Variants in SAMD12 observed in about 807,000 individuals in gnomAD.
The protein encoded by SAMD12 is sterile alpha motif domain-containing protein 12.
A neutral mutation model predicts 15.0 loss-of-function variants in SAMD12; 9 were observed. That is an observed-to-expected ratio of 0.60 (90% CI 0.36 to 1.05). The LOEUF (loss-of-function observed/expected upper bound fraction) is 1.05. SAMD12 is among the 50% of genes least tolerant of loss of function. The pLI, the probability that SAMD12 is intolerant of heterozygous loss-of-function variation, is 0.01. For synonymous variants in SAMD12, 86 were observed against 90.1 expected, an observed-to-expected ratio of 0.96 and a Z score of 0.25; for missense variants, 230 against 234.2, an observed-to-expected ratio of 0.98 and a Z score of 0.12.
downstream of SAMD12, among the ~76,000 whole-genome samples, chr8:118,375,479 G>A (rs901383138): frequency 3.0e-4 from 46 of 152,172 alleles, no homozygotes; most frequent in African/African-American, 1.1e-3. Context: ...ATAAAAATAA[G>A]GATTATTATA....
At chr8:118,339,503 T>C (rs1817243847) in intron 4 of SAMD12, among the ~76,000 whole-genome samples, 1 of 152,188 alleles carries the variant, frequency 6.6e-6, no homozygotes, top group East Asian at 1.9e-4. Context: ...CATATCTCTG[T>C]TAAAAAATCA....
At chr8:118,281,466 A>G (rs1385805922) in intron 4 of SAMD12, among the ~76,000 whole-genome samples, 4 of 152,216 alleles carry the variant, frequency 2.6e-5, no homozygotes, top group Admixed American at 6.5e-5. Context: ...TGACTCCAGA[A>G]CAGGTATACA....
intron 4 of SAMD12, among the ~76,000 whole-genome samples, chr8:118,322,084 T>G (rs1209764101): frequency 6.6e-6 from 1 of 151,998 alleles, no homozygotes; most frequent in Non-Finnish European, 1.5e-5. Context: ...AACCCCCTCC[T>G]CAGAAATGCC....
chr8:118,420,778 G>A (rs1317835181), intron 3 of SAMD12, among the ~76,000 whole-genome samples: 1 of 152,096 alleles, frequency 6.6e-6, no homozygotes, highest in Non-Finnish European at 1.5e-5. Context: ...TTTTAGAAAA[G>A]AATTCTAAAT....
chr8:118,159,724 T>TC, the SAMD12 span, among the ~76,000 whole-genome samples: 1 of 151,072 alleles, frequency 6.6e-6, no homozygotes, highest in Non-Finnish European at 1.5e-5. Context: ...TTTTTCTTTT[T>TC]TTTTTTTTGA....
intron 4 of SAMD12, among the ~76,000 whole-genome samples, chr8:118,203,385 TGTG>T (rs1412144637): frequency 2.3e-5 from 1 of 42,598 alleles, no homozygotes; most frequent in African/African-American, 4.6e-5. Context: ...GGTAACAACT[TGTG>T]TGTGTGTGTG....
chr8:118,541,284 C>T (rs1825978011), intron 2 of SAMD12, among the ~76,000 whole-genome samples: 1 of 152,172 alleles, frequency 6.6e-6, no homozygotes, highest in Admixed American at 6.5e-5. Flanking sequence ...CAATCCATGC[C>T]TTTCTGGCTC....
intron 4 of SAMD12, among the ~76,000 whole-genome samples, chr8:118,314,444 A>G (rs2130409386): frequency 6.6e-6 from 1 of 152,218 alleles, no homozygotes; most frequent in Admixed American, 6.5e-5. Flanking sequence ...GTGTATTTCT[A>G]TGAAATTTTA....
intron 4 of SAMD12, among the ~76,000 whole-genome samples, chr8:118,324,681 G>C (rs148461662): frequency 3.3e-4 from 50 of 152,306 alleles, no homozygotes; most frequent in Non-Finnish European, 6.8e-4. Context: ...ATTGAAGTTA[G>C]ACAGACAAAT....
chr8:118,319,092 T>C (rs150773286), intron 4 of SAMD12, among the ~76,000 whole-genome samples: 2 of 152,284 alleles, frequency 1.3e-5, no homozygotes, highest in East Asian at 1.9e-4. Context: ...AGCTGGAGCA[T>C]TGCTGGAATA....
the SAMD12 span, among the ~76,000 whole-genome samples, chr8:118,160,805 A>G: frequency 6.6e-6 from 1 of 152,176 alleles, no homozygotes; most frequent in Non-Finnish European, 1.5e-5. Flanking sequence ...TTTTATTATT[A>G]TTATACTTTA....
chr8:118,215,824 A>G (rs957435755), intron 4 of SAMD12, among the ~76,000 whole-genome samples: 3 of 152,170 alleles, frequency 2.0e-5, no homozygotes, highest in South Asian at 2.1e-4. Flanking sequence ...ATAGTATTCC[A>G]TGGTGTATAT....
At chr8:118,531,500 T>C (rs1239389225) in intron 2 of SAMD12, among the ~76,000 whole-genome samples, 1 of 152,220 alleles carries the variant, frequency 6.6e-6, no homozygotes, top group Non-Finnish European at 1.5e-5. Context: ...TGGCATTGAA[T>C]CTATAAATTA....
At chr8:118,220,842 A>G (rs1261678371) in intron 4 of SAMD12, among the ~76,000 whole-genome samples, 1 of 152,216 alleles carries the variant, frequency 6.6e-6, no homozygotes, top group Non-Finnish European at 1.5e-5. Flanking sequence ...TGATATGGTC[A>G]CTTTGTAATC....
chr8:118,145,845 G>A, the SAMD12 span, among the ~76,000 whole-genome samples: 3 of 152,162 alleles, frequency 2.0e-5, no homozygotes, highest in Admixed American at 1.3e-4. Context: ...GTTATACTCG[G>A]TCATTGTCTG....
intron 4 of SAMD12, among the ~76,000 whole-genome samples, chr8:118,226,538 C>T (rs1469532639): frequency 6.6e-6 from 1 of 152,178 alleles, no homozygotes; most frequent in East Asian, 1.9e-4. Context: ...GACTATCTGA[C>T]CACCCATCCA....
At chr8:118,427,983 G>A (rs554700657) in intron 3 of SAMD12, among the ~76,000 whole-genome samples, 1 of 152,148 alleles carries the variant, frequency 6.6e-6, no homozygotes, top group African/African-American at 2.4e-5. Flanking sequence ...TGGGTGTAAA[G>A]TATTATTTCA....
At chr8:118,616,204 C>A (rs767642218) in intron 1 of SAMD12, among the ~76,000 whole-genome samples, 3 of 152,172 alleles carry the variant, frequency 2.0e-5, no homozygotes, top group Non-Finnish European at 2.9e-5. Flanking sequence ...GAAACTTGTC[C>A]ATCGTCTCAC....
intron 3 of SAMD12, among the ~76,000 whole-genome samples, chr8:118,426,108 G>A (rs1171531780): frequency 1.3e-5 from 2 of 152,150 alleles, no homozygotes; most frequent in Non-Finnish European, 2.9e-5. Flanking sequence ...TATCTCTCTT[G>A]GCACAGTGTT....
Sources: allele counts gnomAD v4.1 joint callset (sites outside exome capture counted in the v4.1 genomes callset), GRCh38; gene constraint gnomAD v4.1.1; transcripts MANE v1.5; gene names NCBI Gene and HGNC (gene_info 2026-07-23, HGNC 2026-07-21).